Variants in CLDN10 observed in about 807,000 individuals in gnomAD.
The protein encoded by CLDN10 is claudin 10, also known as claudin-10.
A neutral mutation model predicts 22.9 loss-of-function variants in CLDN10; 15 were observed. That is an observed-to-expected ratio of 0.65 (90% CI 0.44 to 1.01). The LOEUF is 1.01. Among genes scored for constraint, CLDN10 ranks in the 50% least tolerant of loss-of-function variants. CLDN10 has a pLI of 0.00. For synonymous variants in CLDN10, 114 were observed against 111.4 expected (o/e 1.02, Z -0.15); for missense variants, 247 against 287.8 (o/e 0.86, Z 1.03).
intron 1 of CLDN10, among the ~76,000 whole-genome samples, chr13:95,501,167 C>G (rs1375747322): frequency 2.6e-5 from 4 of 152,054 alleles, no homozygotes; most frequent in Admixed American, 6.6e-5. Context: ...GTTCATGCCA[C>G]CACGCCTCGC....
At chr13:95,555,054 T>TTTTTG (rs2043617168) in intron 1 of CLDN10, among the ~76,000 whole-genome samples, 1 of 149,368 alleles carries the variant, frequency 6.7e-6, no homozygotes, top group African/African-American at 2.5e-5. Flanking sequence ...CCAGTTTTTT[T>TTTTTG]TTTTTTTTTT....
chr13:95,565,611 AAAC>A (rs2043776391), intron 3 of CLDN10, among the ~76,000 whole-genome samples: 1 of 152,186 alleles, frequency 6.6e-6, no homozygotes, highest in Non-Finnish European at 1.5e-5. Flanking sequence ...AGTTAGAAAT[AAAC>A]AACTACCTAC....
At chr13:95,446,427 T>A (rs1236139187) in intron 1 of CLDN10, among the ~76,000 whole-genome samples, 1 of 152,262 alleles carries the variant, frequency 6.6e-6, no homozygotes. Flanking sequence ...GCAATAAAAA[T>A]ACCTCATCTC....
At chr13:95,536,183 G>GA (rs34043263) in intron 1 of CLDN10, among the ~76,000 whole-genome samples, 95,647 of 148,612 alleles carry the variant, frequency 0.64, 30,792 homozygotes, top group Middle Eastern at 0.72. Context: ...TCCTAAATTT[G>GA]AAAAAAAAAA....
At chr13:95,510,961 G>C (rs908187731) in intron 1 of CLDN10, among the ~76,000 whole-genome samples, 1 of 152,050 alleles carries the variant, frequency 6.6e-6, no homozygotes, top group Non-Finnish European at 1.5e-5. Flanking sequence ...AAATGTTCAG[G>C]GTGTTGGAAA....
At position 95,560,558 on chromosome 13, in the gene CLDN10, AAAGT is replaced by A. The variant is rs2043695282; in HGVS notation, c.464+99_464+102del. ...ACATGAATTTCCTATATGACTTTTG[AAAGT>A]AAGACATACTGATAAATGGTAACTG... is the stretch of plus-strand genomic sequence containing the variant. On this transcript the variant is annotated intron_variant, in intron 3 of 4. Transcript: ENST00000299339. 3.2e-6 allele frequency: 3 copies of A among 929,666 alleles called. No individual in the cohort carries two copies. The Admixed American group carries it at 6.6e-5, about 20-fold the overall frequency. The allele number at this position is 929,666 out of a possible 1,614,324, so 57.6% of individuals were successfully genotyped here.
At chr13:95,567,772 C>G (rs954416860) in intron 3 of CLDN10, among the ~76,000 whole-genome samples, 1 of 152,076 alleles carries the variant, frequency 6.6e-6, no homozygotes, top group Non-Finnish European at 1.5e-5. Flanking sequence ...ATAAGTAGCT[C>G]TTATTATTTT....
chr13:95,566,087 C>T (rs775588356), intron 3 of CLDN10, among the ~76,000 whole-genome samples: 3 of 152,140 alleles, frequency 2.0e-5, no homozygotes, highest in Non-Finnish European at 4.4e-5. Context: ...AATAAACATA[C>T]ATGTGCATGT....
chr13:95,509,706 C>T (rs1251023275), intron 1 of CLDN10, among the ~76,000 whole-genome samples: 1 of 152,192 alleles, frequency 6.6e-6, no homozygotes, highest in Non-Finnish European at 1.5e-5. Flanking sequence ...TTCCAGTCCC[C>T]TCTGGACTCA....
chr13:95,510,298 G>A (rs1262955790), intron 1 of CLDN10, among the ~76,000 whole-genome samples: 3 of 152,184 alleles, frequency 2.0e-5, no homozygotes, highest in Non-Finnish European at 2.9e-5. Context: ...CTCAATCCAC[G>A]TGGTCACCAT....
intron 1 of CLDN10, among the ~76,000 whole-genome samples, chr13:95,446,268 C>T (rs944759323): frequency 6.6e-6 from 1 of 152,196 alleles, no homozygotes; most frequent in African/African-American, 2.4e-5. Context: ...GAGGCAGTCT[C>T]TCAAGCAGTT....
chr13:95,462,477 G>A (rs993185243), intron 1 of CLDN10, among the ~76,000 whole-genome samples: 17 of 152,172 alleles, frequency 1.1e-4, no homozygotes, highest in African/African-American at 3.4e-4. Flanking sequence ...AAAGACTTGG[G>A]TATCAAAGGA....
intron 1 of CLDN10, among the ~76,000 whole-genome samples, chr13:95,506,975 G>C (rs1009093265): frequency 1.3e-5 from 2 of 152,072 alleles, no homozygotes; most frequent in Non-Finnish European, 2.9e-5. Flanking sequence ...TGGGTATTTA[G>C]ATCCTTGTTT....
At chr13:95,445,744 C>A (rs1010984269) in intron 1 of CLDN10, among the ~76,000 whole-genome samples, 1 of 152,046 alleles carries the variant, frequency 6.6e-6, no homozygotes, top group East Asian at 1.9e-4. Flanking sequence ...TTAGTTTGAC[C>A]GAGTTTAATT....
At chr13:95,542,607 GACCA>G (rs1566327167) in intron 1 of CLDN10, among the ~76,000 whole-genome samples, 1 of 152,142 alleles carries the variant, frequency 6.6e-6, no homozygotes, top group African/African-American at 2.4e-5. Context: ...AGGAGTTCAA[GACCA>G]GCCTGGCCAA....
intron 1 of CLDN10, among the ~76,000 whole-genome samples, chr13:95,466,191 G>T (rs1240078885): frequency 1.3e-5 from 2 of 151,678 alleles, no homozygotes; most frequent in African/African-American, 2.4e-5. Context: ...TATGTGTCTG[G>T]ATTCGGTTTG....
At chr13:95,517,307 T>C (rs1485636707) in intron 1 of CLDN10, among the ~76,000 whole-genome samples, 1 of 152,170 alleles carries the variant, frequency 6.6e-6, no homozygotes, top group Non-Finnish European at 1.5e-5. Context: ...GGGGCAGCCA[T>C]TGCCCTTGGG....
chr13:95,494,391 A>G (rs1204127838), intron 1 of CLDN10, among the ~76,000 whole-genome samples: 2 of 152,260 alleles, frequency 1.3e-5, no homozygotes, highest in Non-Finnish European at 2.9e-5. Context: ...AGAAATTGAA[A>G]ATAGCCTGTT....
At position 95,576,401 on chromosome 13, in the gene CLDN10, AAAAC is replaced by A. The variant is rs1237476246; in HGVS notation, c.465-818_465-815del. ...CCCCAAATAAGAGTTACTCTTTATA[AAAAC>A]AAACAAACAAAAACCTAAAATCAAC... On this transcript the variant is annotated intron_variant, in intron 3 of 4. Coordinates refer to ENST00000299339, the MANE Select transcript of CLDN10 (RefSeq NM_006984.5). Among the ~76,000 whole-genome samples, 6 of 152,220 alleles carry A rather than the reference AAAAC, an allele frequency of 3.9e-5. No homozygotes were observed. In the East Asian group the frequency reaches 5.8e-4, roughly 15 times the overall value.
Sources: gnomAD v4.1 joint callset for allele counts (sites outside exome capture counted in the v4.1 genomes callset) on GRCh38, gnomAD v4.1.1 for gene constraint, MANE v1.5 for transcripts, NCBI Gene and HGNC (gene_info 2026-07-23, HGNC 2026-07-21) for gene names.